BTBD9: variants seen among roughly 807,000 people sequenced by gnomAD.
The protein encoded by BTBD9 is BTB/POZ domain-containing protein 9.
In BTBD9, 49 loss-of-function variants were observed where a neutral mutation model predicts 64.3. That is an observed-to-expected ratio of 0.76 (90% CI 0.61 to 0.97). BTBD9 has a LOEUF of 0.97. BTBD9 is among the 50% of genes least tolerant of loss of function. BTBD9 has a pLI of 0.00. For synonymous variants in BTBD9, 260 were observed against 274.7 expected, an observed-to-expected ratio of 0.95 and a Z score of 0.53; for missense variants, 598 against 762.1, an observed-to-expected ratio of 0.78 and a Z score of 2.53.
At chr6:38,540,345 TA>T (rs750779433) in intron 6 of BTBD9, among the ~76,000 whole-genome samples, 5 of 152,178 alleles carry the variant, frequency 3.3e-5, no homozygotes, top group African/African-American at 7.2e-5. Context: ...AAATACTCCA[TA>T]GGGGGTCCAA....
intron 8 of BTBD9, among the ~76,000 whole-genome samples, chr6:38,260,690 A>G (rs1305123244): frequency 6.6e-6 from 1 of 152,196 alleles, no homozygotes; most frequent in Non-Finnish European, 1.5e-5. Flanking sequence ...AAGGCAAATT[A>G]TTATCTTAAA....
chr6:38,607,656 A>T (rs1777475485), intron 1 of BTBD9, among the ~76,000 whole-genome samples: 1 of 150,518 alleles, frequency 6.6e-6, no homozygotes, highest in Admixed American at 6.6e-5. Flanking sequence ...GTGTTCTTCT[A>T]GACTATGAAA....
chr6:38,451,541 C>A (rs2127335294), intron 6 of BTBD9, among the ~76,000 whole-genome samples: 1 of 152,282 alleles, frequency 6.6e-6, no homozygotes, highest in African/African-American at 2.4e-5. Context: ...AAATACATAT[C>A]TTAATACTGT....
chr6:38,416,428 G>T (rs577710714), intron 6 of BTBD9, among the ~76,000 whole-genome samples: 1 of 150,468 alleles, frequency 6.6e-6, no homozygotes, highest in Non-Finnish European at 1.5e-5. Context: ...TCCGTCTCCC[G>T]GGTTCACGCC....
At chr6:38,555,174 G>A (rs1774961009) in intron 6 of BTBD9, among the ~76,000 whole-genome samples, 1 of 152,150 alleles carries the variant, frequency 6.6e-6, no homozygotes, top group African/African-American at 2.4e-5. Flanking sequence ...GCTCATCAAG[G>A]TTCTGTTTCT....
chr6:38,204,087 A>G (rs1762556736), intron 9 of BTBD9, among the ~76,000 whole-genome samples: 1 of 152,182 alleles, frequency 6.6e-6, no homozygotes, highest in Non-Finnish European at 1.5e-5. Flanking sequence ...GTTGATGAAA[A>G]TGTGAAGAAA....
chr6:38,335,745 T>C (rs1763868554), intron 7 of BTBD9, among the ~76,000 whole-genome samples: 1 of 150,698 alleles, frequency 6.6e-6, no homozygotes, highest in Non-Finnish European at 1.5e-5. Context: ...TATTTATTTA[T>C]TTTTTTGAGA....
At chr6:38,459,654 T>C (rs1769984159) in intron 6 of BTBD9, among the ~76,000 whole-genome samples, 2 of 152,198 alleles carry the variant, frequency 1.3e-5, no homozygotes, top group South Asian at 4.1e-4. Context: ...AAATAGACTT[T>C]TGTTATGCTA....
At chr6:38,315,517 TC>T (rs1763000760) in intron 7 of BTBD9, among the ~76,000 whole-genome samples, 2 of 152,180 alleles carry the variant, frequency 1.3e-5, no homozygotes, top group Non-Finnish European at 2.9e-5. Context: ...GTTTCCATTA[TC>T]ATTTGTTTCA....
chr6:38,184,879 C>T lies in BTBD9; in HGVS notation c.1641+7640G>A, dbSNP rs1479966037. Among the ~76,000 whole-genome samples, 2 of 152,112 alleles carry T rather than the reference C, an allele frequency of 1.3e-5. No homozygotes were observed. Among genetic ancestry groups the T allele is most frequent in the African/African-American group, 4.8e-5 (2 of 41,418 alleles). On this transcript the variant is annotated intron_variant, in intron 10 of 10. Transcript: ENST00000481247. The surrounding 1 kb of genome is among the most constrained non-coding windows in gnomAD (Gnocchi z 4.4). ...GCCCAGAGCCACTCACTGGTCTGAC[C>T]GAAGCCAGTAAATAAATTCTGCCTC...
At chr6:38,392,671 A>T (rs1009440346) in intron 6 of BTBD9, among the ~76,000 whole-genome samples, 1 of 152,234 alleles carries the variant, frequency 6.6e-6, no homozygotes, top group African/African-American at 2.4e-5. Flanking sequence ...GTAGCAAGAA[A>T]GAAATGGCAG....
intron 8 of BTBD9, among the ~76,000 whole-genome samples, chr6:38,269,809 GA>G (rs1171378428): frequency 2.6e-5 from 4 of 152,156 alleles, no homozygotes; most frequent in Non-Finnish European, 5.9e-5. Flanking sequence ...TCCCTCTTTG[GA>G]ATGTATTCTG....
At chr6:38,226,514 T>G (rs907515253) in intron 9 of BTBD9, among the ~76,000 whole-genome samples, 1 of 152,176 alleles carries the variant, frequency 6.6e-6, no homozygotes, top group African/African-American at 2.4e-5. Flanking sequence ...TCTAGCTCTG[T>G]GACTGCAGAT....
chr6:38,175,015 G>T lies in BTBD9; in HGVS notation c.1809C>A (p.Asn603Lys). ...GGTGCTGCCGGTTGGGGGAGCGTGA[G>T]TTGGAGCCTGGGCTGGAGGGTAGTG... ...GSSLPSSPGS[N>K]SRSPNRQHQ is the part of the protein sequence containing the mutation. The change falls in exon 11 of 11, where the codon AAC (asparagine) becomes AAA (lysine). Residue 603 changes from asparagine (N) to lysine (K), a missense_variant. Coordinates refer to ENST00000481247, the MANE Select transcript of BTBD9 (RefSeq NM_001099272.2). 1 of 1,614,074 alleles carries T rather than the reference G, an allele frequency of 6.2e-7. No individual in the cohort carries two copies. The highest frequency in any genetic ancestry group is 8.5e-7 in the Non-Finnish European group (1 of 1,180,038).
chr6:38,535,899 A>T (rs898266759), intron 6 of BTBD9, among the ~76,000 whole-genome samples: 1 of 152,166 alleles, frequency 6.6e-6, no homozygotes, highest in Non-Finnish European at 1.5e-5. Context: ...CTACTAAAAC[A>T]AAACACTGAG....
chr6:38,533,397 C>G (rs1297459762), intron 6 of BTBD9, among the ~76,000 whole-genome samples: 1 of 152,054 alleles, frequency 6.6e-6, no homozygotes, highest in Non-Finnish European at 1.5e-5. Context: ...AACACTGGAG[C>G]ACTCAGATAT....
intron 6 of BTBD9, among the ~76,000 whole-genome samples, chr6:38,413,698 C>T (rs1228010852): frequency 2.0e-5 from 3 of 152,082 alleles, no homozygotes; most frequent in African/African-American, 7.2e-5. Flanking sequence ...GGACTTCATG[C>T]TTTTTTTAAA....
intron 6 of BTBD9, among the ~76,000 whole-genome samples, chr6:38,348,796 A>C (rs1385329579): frequency 6.6e-6 from 1 of 152,220 alleles, no homozygotes; most frequent in Non-Finnish European, 1.5e-5. Flanking sequence ...ACAGCACTCT[A>C]AAACTGAAAG....
intron 9 of BTBD9, among the ~76,000 whole-genome samples, chr6:38,228,347 C>CT (rs1312495347): frequency 1.9e-4 from 13 of 69,564 alleles, no homozygotes; most frequent in Admixed American, 1.3e-3. Context: ...CCTGTCCCCC[C>CT]CCCCAAAAAA....
Sources: gnomAD v4.1 joint callset for allele counts (sites outside exome capture counted in the v4.1 genomes callset) on GRCh38, gnomAD v4.1.1 for gene constraint, Gnocchi (gnomAD v3.1) non-coding constraint, MANE v1.5 for transcripts, NCBI Gene and HGNC (gene_info 2026-07-23, HGNC 2026-07-21) for gene names.